MSL2: variants seen among roughly 807,000 people sequenced by gnomAD.
MSL2 encodes MSL complex subunit 2, also known as E3 ubiquitin-protein ligase MSL2.
Under a neutral mutation model 35.8 loss-of-function variants are expected in MSL2, and 2 were observed. The observed-to-expected ratio is 0.06, with a 90% confidence interval of 0.02 to 0.18. MSL2 has a LOEUF of 0.18. Among genes scored for constraint, MSL2 ranks in the 10% least tolerant of loss-of-function variants. The pLI, the probability that MSL2 is intolerant of heterozygous loss-of-function variation, is 1.00. For synonymous variants in MSL2, 296 were observed against 255.7 expected (o/e 1.16, Z -1.50); for missense variants, 523 against 706.7 (o/e 0.74, Z 2.95).
At chr3:136,194,906 C>T (rs1940793296) in intron 1 of MSL2, 66 bp downstream of exon 1, 1 of 1,606,582 alleles carries the variant, frequency 6.2e-7, no homozygotes, top group Non-Finnish European at 8.5e-7. Flanking sequence ...AACCCGCTCA[C>T]GTTACCACTG....
intron 1 of MSL2, among the ~76,000 whole-genome samples, chr3:136,173,144 C>G (rs1212955865): frequency 6.6e-6 from 1 of 152,142 alleles, no homozygotes; most frequent in Non-Finnish European, 1.5e-5. Flanking sequence ...GCCTGGGCGA[C>G]AGAGCAAGAC....
intron 1 of MSL2, among the ~76,000 whole-genome samples, chr3:136,173,367 T>TAGA (rs1260374564): frequency 1.2e-4 from 18 of 152,122 alleles, no homozygotes; most frequent in African/African-American, 4.1e-4. Context: ...CACAGGTAAT[T>TAGA]CAAGCTTAAC....
intron 1 of MSL2, among the ~76,000 whole-genome samples, chr3:136,167,630 T>A (rs1056304453): frequency 6.6e-6 from 1 of 152,192 alleles, no homozygotes. Context: ...CTCACATGAA[T>A]ATCATGAAAT....
chr3:136,189,946 G>A (rs1347998259), intron 1 of MSL2, among the ~76,000 whole-genome samples: 1 of 151,850 alleles, frequency 6.6e-6, no homozygotes, highest in Non-Finnish European at 1.5e-5. Flanking sequence ...CCAGGCGCGG[G>A]GGTGCACTTT....
intron 1 of MSL2, among the ~76,000 whole-genome samples, chr3:136,159,793 G>T (rs527485077): frequency 1.3e-5 from 2 of 151,952 alleles, no homozygotes; most frequent in African/African-American, 2.4e-5. Flanking sequence ...AAACCTAAAT[G>T]TAAGAGCTAA....
rs772519872 is a variant in MSL2 at position 136,152,728 on chromosome 3, T to G, written c.153A>C (p.Leu51=). Residue 51 remains leucine, a synonymous_variant, in exon 2 of 2, where the codon CTA becomes CTC. Transcript: ENST00000309993. ...SLSCCVCGHL[L]QDPIAPTNST... is the part of the protein sequence containing the mutation. Reference sequence around the variant, plus strand: ...AGTTGGTGGGTGCAATAGGATCTTGTAGCAAATGTCCTAAGGGGGAGAAGG... The same window carrying G: ...AGTTGGTGGGTGCAATAGGATCTTGGAGCAAATGTCCTAAGGGGGAGAAGG... 4 of 1,613,718 alleles carry G rather than the reference T, an allele frequency of 2.5e-6. No homozygotes were observed. Among genetic ancestry groups the G allele is most frequent in the Non-Finnish European group, 3.4e-6 (4 of 1,179,764 alleles).
rs1559954217 is a variant in MSL2 at position 136,151,356 on chromosome 3, T to G, written c.1525A>C (p.Lys509Gln). 1.2e-6 allele frequency: 2 copies of G among 1,614,204 alleles called. No individual in the cohort carries two copies. The highest frequency in any genetic ancestry group is 2.2e-5 in the East Asian group (1 of 44,880). The change falls in exon 2 of 2, where the codon AAG becomes CAG. Residue 509 changes from lysine to glutamine, a missense_variant. Transcript: ENST00000309993. The surrounding 1 kb of genome is among the most constrained non-coding windows in gnomAD (Gnocchi z 5.2). ...QNSYMANGEK[K>Q]LEAFAVPEKA... is the part of the protein sequence containing the mutation. ...TCTGGCACGGCAAATGCCTCCAGCT[T>G]CTTCTCCCCATTGGCCATATAGGAG...
chr3:136,180,157 A>G (rs1448030885), intron 1 of MSL2, among the ~76,000 whole-genome samples: 1 of 152,216 alleles, frequency 6.6e-6, no homozygotes, highest in Non-Finnish European at 1.5e-5. Context: ...TACATTACAC[A>G]GGGGCAAAAC....
chr3:136,174,565 C>A (rs1485685889), intron 1 of MSL2, among the ~76,000 whole-genome samples: 1 of 152,130 alleles, frequency 6.6e-6, no homozygotes, highest in Non-Finnish European at 1.5e-5. Context: ...GTGACTGAGG[C>A]AGGAAGAGCA....
At position 136,150,003 on chromosome 3, in the gene MSL2, T is replaced by C. The variant is rs1939304370; in HGVS notation, c.*1144A>G. The C allele has an allele frequency of 6.6e-6, 1 of 152,660 alleles. No individual in the cohort carries two copies. The highest frequency in any genetic ancestry group is 1.5e-5 in the Non-Finnish European group (1 of 68,044). The allele number at this position is 152,660 out of a possible 1,614,324, so 9.5% of individuals were successfully genotyped here. A position where few individuals can be genotyped will look rare whatever the true frequency, so the allele number is the denominator to read the frequency against. ...CTTCAACAGAATGTTTGTGACTCAC[T>C]TGTCTTCCCCATAAAAATTAACCGG... On this transcript the variant is annotated 3_prime_UTR_variant, in exon 2 of 2. Coordinates refer to ENST00000309993, the MANE Select transcript of MSL2 (RefSeq NM_018133.4).
At chr3:136,194,939 G>A (rs772498419) in intron 1 of MSL2, 33 bp downstream of exon 1, 49 of 1,612,406 alleles carry the variant, frequency 3.0e-5, no homozygotes, top group Non-Finnish European at 4.1e-5. Context: ...TTAAAAACAA[G>A]CATTGAAAAG....
In MSL2 at chr3:136,150,617, C is replaced by T. The variant is rs916882736; in HGVS notation, c.*530G>A. The T allele has an allele frequency of 6.5e-6, 1 of 154,636 alleles. No individual in the cohort carries two copies. The highest frequency in any genetic ancestry group is 1.4e-5 in the Non-Finnish European group (1 of 69,274). The allele number at this position is 154,636 out of a possible 1,614,324, so 9.6% of individuals were successfully genotyped here. ...CTGCTGATTTAAGAACTGCTACATA[C>T]ACCAGTAGCCAATATTTCATGATCA... On this transcript the variant is annotated 3_prime_UTR_variant, in exon 2 of 2. Transcript: ENST00000309993.
At chr3:136,164,701 A>T (rs1466846039) in intron 1 of MSL2, among the ~76,000 whole-genome samples, 1 of 152,196 alleles carries the variant, frequency 6.6e-6, no homozygotes, top group Non-Finnish European at 1.5e-5. Flanking sequence ...AATGCATCTT[A>T]TCCTAGAAAA....
chr3:136,171,879 T>C (rs958289855), intron 1 of MSL2, among the ~76,000 whole-genome samples: 1 of 152,172 alleles, frequency 6.6e-6, no homozygotes, highest in African/African-American at 2.4e-5. Context: ...TATTCTACTT[T>C]GTATGTTGAA....
At chr3:136,170,508 C>CTTTTTTTTTT (rs71157363) in intron 1 of MSL2, among the ~76,000 whole-genome samples, 2 of 81,620 alleles carry the variant, frequency 2.5e-5, no homozygotes, top group Non-Finnish European at 4.5e-5. Context: ...AAACTCTGTC[C>CTTTTTTTTTT]TTTTTTTTTT....
intron 1 of MSL2, among the ~76,000 whole-genome samples, chr3:136,190,745 A>T (rs997771565): frequency 2.6e-5 from 4 of 152,198 alleles, no homozygotes; most frequent in African/African-American, 9.6e-5. Context: ...AAACTTATCA[A>T]GTCTCATCTT....
chr3:136,151,698 GTGT>G lies in MSL2; in HGVS notation c.1180_1182del (p.Thr394del). On this transcript the variant is annotated inframe_deletion, in exon 2 of 2. Transcript: ENST00000309993. This position sits in a 1 kb window ranked among gnomAD's most constrained non-coding sequence, Gnocchi z 5.2. ...AAAAGTACAGTTTTGCTGATTTTAG[GTGT>G]TGTGCCTCCATTGGGAACAGTTGCT... 1 of 1,614,052 alleles carries G rather than the reference GTGT, an allele frequency of 6.2e-7. No homozygotes were observed. The highest frequency in any genetic ancestry group is 1.3e-5 in the African/African-American group (1 of 75,012).
chr3:136,191,467 CAAAAA>C (rs11293553), intron 1 of MSL2, among the ~76,000 whole-genome samples: 1 of 123,064 alleles, frequency 8.1e-6, no homozygotes, highest in Non-Finnish European at 1.7e-5. Flanking sequence ...GAATCCGTCT[CAAAAA>C]AAAAAAAAAA....
At chr3:136,193,962 CT>C (rs1437120933) in intron 1 of MSL2, among the ~76,000 whole-genome samples, 2 of 152,198 alleles carry the variant, frequency 1.3e-5, no homozygotes, top group African/African-American at 4.8e-5. Context: ...AATATTATTT[CT>C]CCCTTCAGCC....
Sources: allele counts gnomAD v4.1 joint callset (sites outside exome capture counted in the v4.1 genomes callset), GRCh38; gene constraint gnomAD v4.1.1; non-coding constraint Gnocchi (gnomAD v3.1); transcripts MANE v1.5; gene names NCBI Gene and HGNC (gene_info 2026-07-23, HGNC 2026-07-21).